LHFPL6: variants seen among roughly 807,000 people sequenced by gnomAD.
LHFPL6 encodes LHFPL tetraspan subfamily member 6.
A neutral mutation model predicts 20.6 loss-of-function variants in LHFPL6; 9 were observed. The ratio of observed to expected loss-of-function variants is 0.44; its 90% CI spans 0.26 to 0.76. The LOEUF is 0.76. Among genes scored for constraint, LHFPL6 ranks in the 30% least tolerant of loss-of-function variants. LHFPL6 has a pLI of 0.20. For missense variants in LHFPL6, 218 were observed against 253.5 expected, an observed-to-expected ratio of 0.86 and a Z score of 0.95; for synonymous variants, 105 against 98.7, an observed-to-expected ratio of 1.06 and a Z score of -0.38.
intron 2 of LHFPL6, among the ~76,000 whole-genome samples, chr13:39,581,237 C>T (rs1157230668): frequency 6.6e-6 from 1 of 152,172 alleles, no homozygotes; most frequent in Admixed American, 6.5e-5. Flanking sequence ...TCCAGATCTG[C>T]CTCATCTGGA....
intron 2 of LHFPL6, among the ~76,000 whole-genome samples, chr13:39,407,444 A>G (rs1020633328): frequency 6.6e-6 from 1 of 152,166 alleles, no homozygotes; most frequent in Admixed American, 6.5e-5. Flanking sequence ...TTTAGCCACA[A>G]ACATCTTCAC....
rs375379241 is a variant in LHFPL6, at chr13:39,523,355, G to A, written c.385+77477C>T. ...GAGGCCGAGGCGGGCGGATCACGAG[G>A]TCAGGAGATGGAGACCATCCTGGCT... On this transcript the variant is annotated intron_variant, in intron 2 of 3. Coordinates refer to ENST00000379589, the MANE Select transcript of LHFPL6 (RefSeq NM_005780.3). Among the ~76,000 whole-genome samples, 11 of 152,214 alleles carry A rather than the reference G, an allele frequency of 7.2e-5. No individual in the cohort carries two copies. In the East Asian group the frequency reaches 7.7e-4, roughly 11 times the overall value.
intron 3 of LHFPL6, among the ~76,000 whole-genome samples, chr13:39,371,903 T>TC (rs1162052671): frequency 1.3e-5 from 2 of 152,236 alleles, no homozygotes; most frequent in Admixed American, 1.3e-4. Context: ...GAGAAGCTTG[T>TC]CCTCTCCTTT....
rs180928987 is a variant in LHFPL6 at position 39,553,236 on chromosome 13, A to G, written c.385+47596T>C. 2.6e-4 allele frequency among the ~76,000 whole-genome samples: 40 copies of G among 152,354 alleles called. 1 individual carries two copies. The highest frequency in any genetic ancestry group is 6.8e-3 in the Middle Eastern group (2 of 294). ...TTATTTTGATAATCATCTAATAATT[A>G]TGAATCACTGTGGTAGACTAATTAC... On this transcript the variant is annotated intron_variant, in intron 2 of 3. Coordinates refer to ENST00000379589, the MANE Select transcript of LHFPL6 (RefSeq NM_005780.3).
At position 39,378,463 on chromosome 13, in the gene LHFPL6, T is replaced by C; in HGVS notation, c.449A>G (p.Gln150Arg). Residue 150 changes from glutamine to arginine, a missense_variant, in exon 3 of 4, where the codon CAG (glutamine) becomes CGG (arginine). Physicochemically the swap from Gln to Arg is conservative, Grantham distance 43 (BLOSUM62 1). Coordinates refer to ENST00000379589, the MANE Select transcript of LHFPL6 (RefSeq NM_005780.3). ...CTGGCCAGAAGTGTAGCCACAAGTC[T>C]GCCGGACTTCCTCACTGTCCCAGCC... ...PLGWDSEEVRQTCGYTSGQFD... is the reference protein window; with the variant it reads ...PLGWDSEEVRRTCGYTSGQFD... The C allele has an allele frequency of 1.2e-6, 2 of 1,614,028 alleles. No individual in the cohort carries two copies. Among genetic ancestry groups the C allele is most frequent in the Non-Finnish European group, 1.7e-6 (2 of 1,179,964 alleles).
intron 2 of LHFPL6, among the ~76,000 whole-genome samples, chr13:39,594,097 A>C (rs555693479): frequency 6.6e-6 from 1 of 152,232 alleles, no homozygotes; most frequent in Non-Finnish European, 1.5e-5. Flanking sequence ...AATGGCAACA[A>C]AAGCCAAAAT....
intron 2 of LHFPL6, among the ~76,000 whole-genome samples, chr13:39,382,483 G>A (rs911645896): frequency 3.3e-5 from 5 of 151,962 alleles, no homozygotes; most frequent in East Asian, 1.9e-4. Flanking sequence ...GCTTACTCCT[G>A]GGTTCAAGTG....
At chr13:39,589,469 C>A (rs895118025) in intron 2 of LHFPL6, among the ~76,000 whole-genome samples, 5 of 152,072 alleles carry the variant, frequency 3.3e-5, no homozygotes, top group Non-Finnish European at 7.4e-5. Flanking sequence ...ATATTAATGA[C>A]CAGAACTGAG....
chr13:39,394,652 T>C (rs1019856226), intron 2 of LHFPL6, among the ~76,000 whole-genome samples: 1 of 152,210 alleles, frequency 6.6e-6, no homozygotes, highest in Admixed American at 6.5e-5. Context: ...ATAAAAATGC[T>C]TTCCTCAAAA....
chr13:39,347,013 G>A (rs933363445), intron 3 of LHFPL6, among the ~76,000 whole-genome samples: 2 of 150,736 alleles, frequency 1.3e-5, no homozygotes, highest in African/African-American at 4.9e-5. Context: ...CCGGGAGGCG[G>A]AGGTTGCAGT....
chr13:39,520,314 T>A (rs976949056), intron 2 of LHFPL6, among the ~76,000 whole-genome samples: 5 of 152,088 alleles, frequency 3.3e-5, no homozygotes, highest in Non-Finnish European at 5.9e-5. Context: ...ACCCTGAGAA[T>A]GTGGCCCTCG....
chr13:39,463,264 C>T (rs1872728609), intron 2 of LHFPL6, among the ~76,000 whole-genome samples: 1 of 152,130 alleles, frequency 6.6e-6, no homozygotes, highest in Non-Finnish European at 1.5e-5. Flanking sequence ...TTTCCCCTAC[C>T]ATCAACCCTA....
intron 2 of LHFPL6, among the ~76,000 whole-genome samples, chr13:39,467,274 T>C (rs1872827859): frequency 1.3e-5 from 2 of 152,176 alleles, no homozygotes; most frequent in South Asian, 2.1e-4. Context: ...TTTGGTACCA[T>C]GCCTGACATA....
chr13:39,576,097 G>C (rs554245270), intron 2 of LHFPL6, among the ~76,000 whole-genome samples: 3 of 152,258 alleles, frequency 2.0e-5, no homozygotes, highest in South Asian at 4.1e-4. Context: ...CTCTTCCTGG[G>C]ACCAGTGGCT....
At chr13:39,552,965 T>C (rs1385741788) in intron 2 of LHFPL6, among the ~76,000 whole-genome samples, 1 of 152,048 alleles carries the variant, frequency 6.6e-6, no homozygotes, top group Non-Finnish European at 1.5e-5. Flanking sequence ...ACTTGCAGGA[T>C]TTGTTGTACA....
intron 2 of LHFPL6, among the ~76,000 whole-genome samples, chr13:39,524,316 G>A (rs1229601502): frequency 6.8e-6 from 1 of 147,076 alleles, no homozygotes; most frequent in Non-Finnish European, 1.5e-5. Flanking sequence ...TTTTAGGAAA[G>A]AGGTGACTCA....
chr13:39,377,347 T>C (rs1204986008), intron 3 of LHFPL6, among the ~76,000 whole-genome samples: 3 of 152,232 alleles, frequency 2.0e-5, no homozygotes, highest in Non-Finnish European at 4.4e-5. Context: ...TATAGGAGCC[T>C]TAGGTCTGAA....
chr13:39,358,339 C>T (rs1294220336), intron 3 of LHFPL6, among the ~76,000 whole-genome samples: 2 of 152,114 alleles, frequency 1.3e-5, no homozygotes, highest in Non-Finnish European at 2.9e-5. Context: ...AACTGGCTAT[C>T]CATATGCAGA....
intron 2 of LHFPL6, among the ~76,000 whole-genome samples, chr13:39,431,211 C>T (rs1471391583): frequency 1.3e-5 from 2 of 148,244 alleles, no homozygotes; most frequent in East Asian, 2.0e-4. Context: ...GAACAAACTC[C>T]GGGCACACCA....
Sources: allele counts gnomAD v4.1 joint callset (sites outside exome capture counted in the v4.1 genomes callset), GRCh38; gene constraint gnomAD v4.1.1; transcripts MANE v1.5; gene names NCBI Gene and HGNC (gene_info 2026-07-23, HGNC 2026-07-21).